Variants in GLUD1 observed in about 807,000 individuals in gnomAD.
The protein encoded by GLUD1 is glutamate dehydrogenase 1, mitochondrial.
Under a neutral mutation model 56.0 loss-of-function variants are expected in GLUD1, and 22 were observed. The ratio of observed to expected loss-of-function variants is 0.39; its 90% CI spans 0.28 to 0.56. The LOEUF (loss-of-function observed/expected upper bound fraction) is 0.56. GLUD1 is among the 20% of genes least tolerant of loss of function. The pLI is 0.58. For synonymous variants in GLUD1, 223 were observed against 269.9 expected (o/e 0.83, Z 1.70); for missense variants, 451 against 732.0 (o/e 0.62, Z 4.43).
intron 6 of GLUD1, 123 bp from the exon 7 acceptor site, chr10:87,061,175 C>T (rs568143882): frequency 1.0e-6 from 1 of 965,256 alleles, no homozygotes; most frequent in Non-Finnish European, 1.7e-6. Flanking sequence ...AATTCTTTTG[C>T]CAAAAGAAAC....
At chr10:87,054,017 C>T (rs989697533) in intron 11 of GLUD1, among the ~76,000 whole-genome samples, 1 of 130,416 alleles carries the variant, frequency 7.7e-6, no homozygotes, top group African/African-American at 3.3e-5. Flanking sequence ...AGGGCCTCCA[C>T]CATCAAGTCA....
chr10:87,080,984 C>A (rs1841223846), intron 1 of GLUD1, among the ~76,000 whole-genome samples: 1 of 139,300 alleles, frequency 7.2e-6, no homozygotes, highest in South Asian at 2.3e-4. Flanking sequence ...GGGTCAGCCC[C>A]CCGCCCGGCC....
At chr10:87,065,248 G>A (rs1203547521) in intron 5 of GLUD1, among the ~76,000 whole-genome samples, 3 of 138,330 alleles carry the variant, frequency 2.2e-5, no homozygotes, top group South Asian at 2.3e-4. Context: ...ACCTGAGATC[G>A]GGTGACAGAG....
chr10:87,073,985 T>G (rs1846311550), intron 4 of GLUD1, among the ~76,000 whole-genome samples: 2 of 152,086 alleles, frequency 1.3e-5, no homozygotes. Context: ...GTTATGCATA[T>G]TCTATTCAAA....
At chr10:87,070,160 CA>C (rs1332388326) in intron 4 of GLUD1, among the ~76,000 whole-genome samples, 2 of 152,214 alleles carry the variant, frequency 1.3e-5, no homozygotes, top group Non-Finnish European at 1.5e-5. Flanking sequence ...CCTCAAACAA[CA>C]ATTCCAACTA....
intron 12 of GLUD1, 59 bp downstream of exon 12, chr10:87,053,283 C>G: frequency 9.3e-7 from 1 of 1,080,494 alleles, no homozygotes; most frequent in Non-Finnish European, 1.4e-6. Context: ...GCTGAGATAG[C>G]ATGGTTGAGT....
At chr10:87,086,909 T>C (rs1404153486) in intron 1 of GLUD1, among the ~76,000 whole-genome samples, 1 of 151,726 alleles carries the variant, frequency 6.6e-6, no homozygotes, top group Non-Finnish European at 1.5e-5. Flanking sequence ...TTTTCCACAC[T>C]AAGCAGTTCT....
intron 8 of GLUD1, 30 bp from the exon 9 acceptor site, chr10:87,060,271 GCGAACACCAC>G (rs762684232): frequency 6.9e-7 from 1 of 1,440,588 alleles, no homozygotes; most frequent in Non-Finnish European, 9.8e-7. Context: ...ATAGAGAAAT[GCGAACACCAC>G]CGTCAAATCC....
intron 5 of GLUD1, among the ~76,000 whole-genome samples, chr10:87,063,966 T>A (rs375193704): frequency 2.0e-5 from 3 of 151,766 alleles, no homozygotes; most frequent in Non-Finnish European, 1.5e-5. Context: ...GCAAGCTCCA[T>A]CTCCCGGGTT....
intron 5 of GLUD1, among the ~76,000 whole-genome samples, chr10:87,064,433 CAT>C (rs1296712100): frequency 2.0e-5 from 3 of 152,014 alleles, no homozygotes; most frequent in African/African-American, 4.8e-5. Context: ...AATGAAAATT[CAT>C]ATAAAATTTT....
At position 87,051,570 on chromosome 10, in the gene GLUD1, A is replaced by C; in HGVS notation, c.*181T>G. The C allele has an allele frequency of 1.3e-6, 1 of 755,002 alleles. No individual in the cohort carries two copies. Among genetic ancestry groups the C allele is most frequent in the South Asian group, 1.5e-5 (1 of 66,572 alleles). 46.8% of individuals were successfully genotyped at this position (755,002 alleles called of 1,614,324 possible). A position where few individuals can be genotyped will look rare whatever the true frequency, so the allele number is the denominator to read the frequency against. On this transcript the variant is annotated 3_prime_UTR_variant, in exon 13 of 13. Transcript: ENST00000277865. ...TTCTACTTTCACACTCAGCTTGTAC[A>C]TGATCCGCTAACCTTAATTTCTTTC...
chr10:87,069,326 C>T (rs1228753639), intron 4 of GLUD1, among the ~76,000 whole-genome samples: 1 of 151,812 alleles, frequency 6.6e-6, no homozygotes, highest in Non-Finnish European at 1.5e-5. Context: ...ACCAGCCTGA[C>T]CAACATGGTG....
At chr10:87,067,440 G>A (rs1043839989) in intron 5 of GLUD1, among the ~76,000 whole-genome samples, 2 of 152,164 alleles carry the variant, frequency 1.3e-5, no homozygotes, top group African/African-American at 4.8e-5. Flanking sequence ...TGTCCAGGCT[G>A]GTCTCGAACT....
intron 1 of GLUD1, among the ~76,000 whole-genome samples, chr10:87,080,858 C>T (rs1407083583): frequency 2.7e-5 from 4 of 150,334 alleles, no homozygotes; most frequent in Admixed American, 6.6e-5. Flanking sequence ...GGGGGGTCAG[C>T]CCCCCGCCCG....
chr10:87,057,627 G>T, intron 11 of GLUD1, 64 bp downstream of exon 11: 1 of 866,518 alleles, frequency 1.2e-6, no homozygotes, highest in Non-Finnish European at 2.0e-6. Flanking sequence ...CATCTAACCA[G>T]CTCTGTCTGA....
rs1841664403 is a variant in GLUD1, at chr10:87,094,525, T to C, written c.245A>G (p.Glu82Gly). ...GFFDRGASIV[E>G]DKLVEDLRTR... ...CCTCAGGTCCTCCACCAGCTTGTCC[T>C]CCACGATGCTGGCGCCGCGATCGAA... The change falls in exon 1 of 13, where the codon GAG becomes GGG. Residue 82 changes from glutamate to glycine, a missense_variant. Around this residue, in one of 4 missense-constraint regions of GLUD1, gnomAD observed 158 missense variants for 189.7 expected, o/e 0.83. Coordinates refer to ENST00000277865, the MANE Select transcript of GLUD1 (RefSeq NM_005271.5). This position sits in a 1 kb window ranked among gnomAD's most constrained non-coding sequence, Gnocchi z 6.6. The C allele has an allele frequency of 6.2e-7, 1 of 1,612,912 alleles. No individual in the cohort carries two copies. Among genetic ancestry groups the C allele is most frequent in the Non-Finnish European group, 8.5e-7 (1 of 1,179,954 alleles).
Position 87,051,579 on chromosome 10 carries a change from T to C in GLUD1, c.*172A>G, listed in dbSNP as rs1159923572. 5.0e-6 allele frequency: 4 copies of C among 794,698 alleles called. No individual in the cohort carries two copies. The Admixed American group carries it at 5.4e-5, about 11-fold the overall frequency. 49.2% of individuals were successfully genotyped at this position (794,698 alleles called of 1,614,324 possible). A position where few individuals can be genotyped will look rare whatever the true frequency, so the allele number is the denominator to read the frequency against. On this transcript the variant is annotated 3_prime_UTR_variant, in exon 13 of 13. Coordinates refer to ENST00000277865, the MANE Select transcript of GLUD1 (RefSeq NM_005271.5). ...CACACTCAGCTTGTACATGATCCGC[T>C]AACCTTAATTTCTTTCTCCTTAACG... is the stretch of plus-strand genomic sequence containing the variant.
intron 4 of GLUD1, among the ~76,000 whole-genome samples, chr10:87,073,113 T>A (rs567121784): frequency 6.6e-6 from 1 of 152,300 alleles, no homozygotes; most frequent in African/African-American, 2.4e-5. Context: ...TTTCATGACT[T>A]TTTTTTCCTA....
intron 6 of GLUD1, among the ~76,000 whole-genome samples, chr10:87,061,964 A>G (rs1250212912): frequency 1.3e-5 from 2 of 152,104 alleles, no homozygotes; most frequent in Non-Finnish European, 2.9e-5. Flanking sequence ...TCCTATTTTT[A>G]GCGGAGACCG....
Sources: gnomAD v4.1 joint callset for allele counts (sites outside exome capture counted in the v4.1 genomes callset) on GRCh38, gnomAD v4.1.1 for gene constraint, gnomAD v4.1.1 regional missense constraint, Gnocchi (gnomAD v3.1) non-coding constraint, MANE v1.5 for transcripts, NCBI Gene and HGNC (gene_info 2026-07-23, HGNC 2026-07-21) for gene names.